COL25A1: variants seen among roughly 807,000 people sequenced by gnomAD.
The protein encoded by COL25A1 is collagen alpha-1(XXV) chain.
In COL25A1, 103 loss-of-function variants were observed where a neutral mutation model predicts 128.4. That is an observed-to-expected ratio of 0.80 (90% CI 0.68 to 0.94). The LOEUF is 0.94. Among genes scored for constraint, COL25A1 ranks in the 40% least tolerant of loss-of-function variants. COL25A1 has a pLI of 0.00. For synonymous variants in COL25A1, 279 were observed against 277.2 expected, an observed-to-expected ratio of 1.01 and a Z score of -0.06; for missense variants, 745 against 840.0, an observed-to-expected ratio of 0.89 and a Z score of 1.40.
chr4:108,825,267 T>A lies in COL25A1; in HGVS notation c.1765-45A>T, dbSNP rs757225299. The A allele has an allele frequency of 6.6e-6, 10 of 1,518,582 alleles. No individual in the cohort carries two copies. The South Asian group carries it at 1.1e-4, about 17-fold the overall frequency. The allele number at this position is 1,518,582 out of a possible 1,614,324, so 94.1% of individuals were successfully genotyped here. A position where few individuals can be genotyped will look rare whatever the true frequency, so the allele number is the denominator to read the frequency against. On this transcript the variant is annotated intron_variant, in intron 33 of 37. Coordinates refer to ENST00000399132, the MANE Select transcript of COL25A1 (RefSeq NM_198721.4). ...GCTACATTAGTGTTTCTAAGTTTTG[T>A]GAATAGATTATTGCTTTATTTAAGG...
chr4:108,869,639 A>G (rs1386335208), intron 19 of COL25A1, among the ~76,000 whole-genome samples: 1 of 152,212 alleles, frequency 6.6e-6, no homozygotes, highest in Non-Finnish European at 1.5e-5. Context: ...GTTGGAAAAT[A>G]CACTACATAT....
At chr4:109,139,087 T>A (rs536907617) in intron 3 of COL25A1, among the ~76,000 whole-genome samples, 34 of 152,322 alleles carry the variant, frequency 2.2e-4, no homozygotes, top group African/African-American at 7.9e-4. Context: ...GAGCTTTTTT[T>A]CATATGTCTG....
intron 19 of COL25A1, among the ~76,000 whole-genome samples, chr4:108,882,598 T>G (rs1740264940): frequency 6.6e-6 from 1 of 152,150 alleles, no homozygotes; most frequent in South Asian, 2.1e-4. Flanking sequence ...GTGTGTGTGT[T>G]ACTAAGAAAT....
intron 16 of COL25A1, among the ~76,000 whole-genome samples, chr4:108,896,169 CGATCTGCTGACCTCAT>C (rs1742112145): frequency 6.6e-6 from 1 of 151,602 alleles, no homozygotes; most frequent in Non-Finnish European, 1.5e-5. Context: ...AGGATGGTCT[CGATCTGCTGACCTCAT>C]GATCCACCCG....
At chr4:108,828,454 A>G (rs1451345321) in intron 32 of COL25A1, among the ~76,000 whole-genome samples, 2 of 152,076 alleles carry the variant, frequency 1.3e-5, no homozygotes, top group East Asian at 1.9e-4. Flanking sequence ...GGGTTTAAAA[A>G]CTTTCAACCC....
At chr4:108,915,307 G>C (rs1744738454) in intron 13 of COL25A1, among the ~76,000 whole-genome samples, 1 of 152,146 alleles carries the variant, frequency 6.6e-6, no homozygotes, top group Admixed American at 6.5e-5. Context: ...TGAATGGATG[G>C]ACAATGTTCT....
chr4:109,152,540 A>C (rs1166680462), intron 3 of COL25A1, among the ~76,000 whole-genome samples: 1 of 152,226 alleles, frequency 6.6e-6, no homozygotes, highest in Non-Finnish European at 1.5e-5. Context: ...GTTTACTTTA[A>C]ATGGTACCTA....
chr4:108,836,163 C>A (rs1344873771), intron 31 of COL25A1, among the ~76,000 whole-genome samples: 1 of 151,980 alleles, frequency 6.6e-6, no homozygotes, highest in South Asian at 2.1e-4. Context: ...AGCCACCGTG[C>A]CCGGCCTTAC....
At chr4:109,201,882 G>A (rs1026959218) in intron 3 of COL25A1, among the ~76,000 whole-genome samples, 5 of 152,082 alleles carry the variant, frequency 3.3e-5, no homozygotes, top group Admixed American at 1.3e-4. Flanking sequence ...AACCACTTAT[G>A]TTACCACAAA....
intron 3 of COL25A1, among the ~76,000 whole-genome samples, chr4:109,174,185 T>A (rs1019654541): frequency 3.3e-5 from 5 of 152,124 alleles, no homozygotes; most frequent in African/African-American, 4.8e-5. Context: ...ATGAATTCAG[T>A]TTTATACCTA....
chr4:109,169,597 G>A (rs1354665512), intron 3 of COL25A1, among the ~76,000 whole-genome samples: 1 of 152,084 alleles, frequency 6.6e-6, no homozygotes, highest in African/African-American at 2.4e-5. Flanking sequence ...TGACCATTTA[G>A]GCTAAGTTGA....
rs144750772 is a variant in COL25A1, at chr4:108,909,308, T to C, written c.781-8136A>G. On this transcript the variant is annotated intron_variant, in intron 13 of 37. Coordinates refer to ENST00000399132, the MANE Select transcript of COL25A1 (RefSeq NM_198721.4). ...GGCAGTTTCAATCTCTTTGTCCACA[T>C]TGGTAATGTGAATACTAAATAGTAG... 5.6e-3 allele frequency among the ~76,000 whole-genome samples: 851 copies of C among 152,328 alleles called. 4 individuals carry two copies. Among genetic ancestry groups the C allele is most frequent in the South Asian group, 9.3e-3 (45 of 4,824 alleles).
chr4:109,149,583 T>A (rs532710249), intron 3 of COL25A1, among the ~76,000 whole-genome samples: 7 of 152,290 alleles, frequency 4.6e-5, no homozygotes, highest in African/African-American at 1.7e-4. Flanking sequence ...GGATAATATA[T>A]GTTATGTCAC....
At chr4:109,100,417 G>GA (rs10706551) in intron 3 of COL25A1, among the ~76,000 whole-genome samples, 85 of 139,832 alleles carry the variant, frequency 6.1e-4, no homozygotes, top group East Asian at 2.0e-3. Flanking sequence ...ATTTTTGTGA[G>GA]AAAAAAAAAA....
intron 3 of COL25A1, among the ~76,000 whole-genome samples, chr4:109,278,676 AC>A (rs1345985062): frequency 6.6e-6 from 1 of 152,108 alleles, no homozygotes; most frequent in African/African-American, 2.4e-5. Context: ...CCCATGTAAC[AC>A]CTTCTAGTTT....
intron 24 of COL25A1, among the ~76,000 whole-genome samples, chr4:108,856,911 T>G (rs1055315548): frequency 6.6e-6 from 1 of 152,004 alleles, no homozygotes; most frequent in East Asian, 1.9e-4. Context: ...TAGAAAAAAA[T>G]TTATTCCAAT....
chr4:109,197,394 T>C (rs1318977), intron 3 of COL25A1, among the ~76,000 whole-genome samples: 65,702 of 125,890 alleles, frequency 0.52, 19,192 homozygotes, highest in Non-Finnish European at 0.66. Context: ...ATAATCTCTC[T>C]ATTATATATA....
intron 3 of COL25A1, among the ~76,000 whole-genome samples, chr4:109,274,908 A>T (rs1436418248): frequency 6.6e-6 from 1 of 152,248 alleles, no homozygotes; most frequent in Non-Finnish European, 1.5e-5. Context: ...GTGTCGGCAC[A>T]GTAAAACCAT....
chr4:108,834,914 CTT>C (rs1733603211), intron 31 of COL25A1, among the ~76,000 whole-genome samples: 1 of 152,088 alleles, frequency 6.6e-6, no homozygotes, highest in Non-Finnish European at 1.5e-5. Flanking sequence ...TAGGATGACT[CTT>C]AGTGGATTTT....
Sources: allele counts gnomAD v4.1 joint callset (sites outside exome capture counted in the v4.1 genomes callset), GRCh38; gene constraint gnomAD v4.1.1; transcripts MANE v1.5; gene names NCBI Gene and HGNC (gene_info 2026-07-23, HGNC 2026-07-21).